The following PRKCH variants were observed in gnomAD, a reference collection of about 807,000 sequenced individuals.
PRKCH encodes the protein protein kinase C eta type.
A neutral mutation model predicts 82.5 loss-of-function variants in PRKCH; 28 were observed. The ratio of observed to expected loss-of-function variants is 0.34; its 90% CI spans 0.25 to 0.47. PRKCH has a LOEUF of 0.47. Ranked by LOEUF, PRKCH falls within the 20% of genes least tolerant of loss-of-function variation. PRKCH has a pLI of 1.00. For missense variants in PRKCH, 705 were observed against 881.8 expected, an observed-to-expected ratio of 0.80 and a Z score of 2.54; for synonymous variants, 322 against 327.4, an observed-to-expected ratio of 0.98 and a Z score of 0.18.
intron 10 of PRKCH, among the ~76,000 whole-genome samples, chr14:61,510,449 G>A (rs1427995957): frequency 6.6e-6 from 1 of 152,020 alleles, no homozygotes; most frequent in African/African-American, 2.4e-5. Context: ...GATTCACATC[G>A]AAGGGAGTCT....
chr14:61,307,625 A>G (rs1189466227), intron 1 of PRKCH, among the ~76,000 whole-genome samples: 1 of 152,216 alleles, frequency 6.6e-6, no homozygotes, highest in Admixed American at 6.5e-5. Flanking sequence ...AGAGTTCTCT[A>G]GCATATCTTC....
chr14:61,492,232 A>G (rs1886478256), intron 10 of PRKCH: 1 of 152,204 alleles, frequency 6.6e-6, no homozygotes, highest in Non-Finnish European at 1.5e-5. Flanking sequence ...ATTTTATTAA[A>G]CACTCCTTGT....
intron 2 of PRKCH, among the ~76,000 whole-genome samples, chr14:61,415,239 T>G (rs1882491972): frequency 6.6e-6 from 1 of 152,252 alleles, no homozygotes. Flanking sequence ...TGTGTTCTAT[T>G]GTGTACCTGT....
At chr14:61,309,491 A>G (rs764270942) in intron 1 of PRKCH, among the ~76,000 whole-genome samples, 2 of 152,216 alleles carry the variant, frequency 1.3e-5, no homozygotes, top group Non-Finnish European at 2.9e-5. Flanking sequence ...AGGGCTTTGC[A>G]ATGCGCTTTA....
chr14:61,449,403 C>G, intron 5 of PRKCH, 151 bp downstream of exon 5: 1 of 652,540 alleles, frequency 1.5e-6, no homozygotes, highest in Non-Finnish European at 2.7e-6. Flanking sequence ...CACCTCCCTT[C>G]CACATTCTTT....
At chr14:61,532,046 C>T (rs556931453) in intron 12 of PRKCH, among the ~76,000 whole-genome samples, 1 of 152,348 alleles carries the variant, frequency 6.6e-6, no homozygotes, top group Admixed American at 6.5e-5. Flanking sequence ...TGCATGATCA[C>T]TTTCCTACTT....
chr14:61,331,584 C>T (rs2045789689), intron 1 of PRKCH, among the ~76,000 whole-genome samples: 1 of 152,130 alleles, frequency 6.6e-6, no homozygotes, highest in African/African-American at 2.4e-5. Context: ...CAACTCCCAG[C>T]AATAGGGGAA....
intron 1 of PRKCH, among the ~76,000 whole-genome samples, chr14:61,374,643 G>A (rs983467053): frequency 2.6e-5 from 4 of 152,140 alleles, no homozygotes; most frequent in Admixed American, 6.5e-5. Context: ...GCCACAGCCC[G>A]AGCTGTACAT....
chr14:61,220,850 T>A (rs1305127562), intron 1 of PRKCH, among the ~76,000 whole-genome samples: 2 of 152,094 alleles, frequency 1.3e-5, no homozygotes, highest in Non-Finnish European at 2.9e-5. Flanking sequence ...AGATACAGAA[T>A]TTAAAGTTTA....
intron 1 of PRKCH, among the ~76,000 whole-genome samples, chr14:61,223,173 T>C (rs952673161): frequency 2.6e-5 from 4 of 152,268 alleles, no homozygotes; most frequent in African/African-American, 9.6e-5. Context: ...TCTTTCCCAT[T>C]TAAACGGCTT....
At chr14:61,485,980 C>T (rs1319409772) in intron 10 of PRKCH, among the ~76,000 whole-genome samples, 2 of 152,008 alleles carry the variant, frequency 1.3e-5, no homozygotes, top group Non-Finnish European at 2.9e-5. Flanking sequence ...GTTGCCCAGG[C>T]TTCACAAAGG....
intron 1 of PRKCH, among the ~76,000 whole-genome samples, chr14:61,360,676 G>A (rs936800942): frequency 6.6e-5 from 10 of 152,192 alleles, no homozygotes; most frequent in African/African-American, 2.4e-4. Context: ...TTGAAAGAAA[G>A]GCAGGATCTT....
chr14:61,379,766 A>T (rs1250617269), intron 1 of PRKCH, among the ~76,000 whole-genome samples: 2 of 152,200 alleles, frequency 1.3e-5, no homozygotes, highest in African/African-American at 4.8e-5. Context: ...TATATTCCCC[A>T]TCTCCAGCCA....
At chr14:61,411,223 A>C (rs948577383) in intron 2 of PRKCH, among the ~76,000 whole-genome samples, 1 of 152,212 alleles carries the variant, frequency 6.6e-6, no homozygotes, top group African/African-American at 2.4e-5. Flanking sequence ...TTCATGTACC[A>C]GTCCCTTGTC....
intron 1 of PRKCH, among the ~76,000 whole-genome samples, chr14:61,272,083 C>T (rs1343191542): frequency 6.6e-6 from 1 of 151,886 alleles, no homozygotes; most frequent in East Asian, 2.0e-4. Flanking sequence ...AAAATATTAG[C>T]CGGGCGTGGT....
intron 1 of PRKCH, among the ~76,000 whole-genome samples, chr14:61,209,143 C>T (rs770087768): frequency 1.1e-4 from 17 of 152,052 alleles, no homozygotes; most frequent in African/African-American, 3.1e-4. Flanking sequence ...TTCCATCTTC[C>T]GCCATGGGAT....
At chr14:61,529,855 T>C (rs985367110) in intron 11 of PRKCH, among the ~76,000 whole-genome samples, 3 of 151,378 alleles carry the variant, frequency 2.0e-5, no homozygotes, top group African/African-American at 7.3e-5. Flanking sequence ...TGTATACATA[T>C]GTAACTAACC....
chr14:61,232,552 A>G (rs546383809), intron 1 of PRKCH, among the ~76,000 whole-genome samples: 15 of 152,358 alleles, frequency 9.8e-5, no homozygotes, highest in African/African-American at 3.1e-4. Context: ...ATGAACAGCC[A>G]GATGAAGAGA....
intron 1 of PRKCH, among the ~76,000 whole-genome samples, chr14:61,222,663 T>C (rs2044664127): frequency 6.6e-6 from 1 of 152,230 alleles, no homozygotes; most frequent in African/African-American, 2.4e-5. Flanking sequence ...TATGATTGCA[T>C]AAAATATTCG....
Sources: allele counts gnomAD v4.1 joint callset (sites outside exome capture counted in the v4.1 genomes callset), GRCh38; gene constraint gnomAD v4.1.1; transcripts MANE v1.5; gene names NCBI Gene and HGNC (gene_info 2026-07-23, HGNC 2026-07-21).